The following CEP128 variants were observed in gnomAD, a reference collection of about 807,000 sequenced individuals.
CEP128 encodes the protein centrosomal protein 128kDa.
In CEP128, 132 loss-of-function variants were observed where a neutral mutation model predicts 156.7. That is an observed-to-expected ratio of 0.84 (90% CI 0.73 to 0.97). The LOEUF (loss-of-function observed/expected upper bound fraction) is 0.97, where lower values mean the gene tolerates loss of function less well. Among genes scored for constraint, CEP128 ranks in the 50% least tolerant of loss-of-function variants. The probability of loss-of-function intolerance (pLI) is 0.00; values close to 1 mark genes in which losing one functional copy is unlikely to be tolerated. For missense variants in CEP128, 1,252 were observed against 1,281.9 expected (o/e 0.98, Z 0.36); for synonymous variants, 469 against 448.9 (o/e 1.04, Z -0.57).
rs752642237 is a variant in CEP128 at position 80,838,270 on chromosome 14, C to G, written c.858G>C (p.Gln286His). The G allele has an allele frequency of 6.2e-7, 1 of 1,612,366 alleles. No individual in the cohort carries two copies. Among genetic ancestry groups the G allele is most frequent in the Non-Finnish European group, 8.5e-7 (1 of 1,178,896 alleles). ...ATAACCTTCGAGATAGCTCCAATTC[C>G]TGTTCAAGCTAGAGTTTCAACAAAG... ...QTETEKNQLE[Q>H]ELELSRRLLN... The change falls in exon 11 of 25, where the codon CAG (glutamine) becomes CAC (histidine). Residue 286 changes from glutamine (Q) to histidine (H), a missense_variant. Transcript: ENST00000555265.
chr14:80,733,453 A>G (rs1169830151), intron 19 of CEP128, among the ~76,000 whole-genome samples: 2 of 152,034 alleles, frequency 1.3e-5, no homozygotes, highest in Non-Finnish European at 2.9e-5. Context: ...CCAGACTAAT[A>G]CAGGTGGTCT....
intron 15 of CEP128, among the ~76,000 whole-genome samples, chr14:80,780,022 T>A (rs1274714640): frequency 6.6e-6 from 1 of 152,136 alleles, no homozygotes; most frequent in Non-Finnish European, 1.5e-5. Flanking sequence ...GAAATTGCAA[T>A]GAGGTAATAG....
At chr14:80,560,672 T>A (rs1034451420) in intron 20 of CEP128, among the ~76,000 whole-genome samples, 2 of 152,084 alleles carry the variant, frequency 1.3e-5, no homozygotes, top group Non-Finnish European at 2.9e-5. Flanking sequence ...TCTAATCAGC[T>A]GCCAGTGAAT....
chr14:80,676,543 T>C (rs918296086), intron 19 of CEP128, among the ~76,000 whole-genome samples: 5 of 152,184 alleles, frequency 3.3e-5, no homozygotes, highest in Admixed American at 1.3e-4. Flanking sequence ...TCTTAGTTTA[T>C]TGCACTAGCT....
chr14:80,694,539 G>A (rs887111301), intron 19 of CEP128, among the ~76,000 whole-genome samples: 6 of 152,112 alleles, frequency 3.9e-5, no homozygotes, highest in Non-Finnish European at 8.8e-5. Context: ...ATAAAATGTG[G>A]CACATATACA....
At chr14:80,944,628 C>T (rs1886283673), upstream of CEP128, among the ~76,000 whole-genome samples, 1 of 151,880 alleles carries the variant, frequency 6.6e-6, no homozygotes, top group Non-Finnish European at 1.5e-5. Flanking sequence ...CGAGACCATC[C>T]TGGCTAACAT....
At chr14:80,702,777 T>C (rs1389186262) in intron 19 of CEP128, among the ~76,000 whole-genome samples, 1 of 152,178 alleles carries the variant, frequency 6.6e-6, no homozygotes, top group Non-Finnish European at 1.5e-5. Flanking sequence ...AATGGTTGCT[T>C]GGATACCTTG....
intron 24 of CEP128, among the ~76,000 whole-genome samples, chr14:80,501,653 C>G (rs1341856879): frequency 6.6e-6 from 1 of 151,788 alleles, no homozygotes; most frequent in African/African-American, 2.4e-5. Context: ...TACAGGCACC[C>G]GCCACCACGC....
chr14:80,861,844 A>G (rs183176272), intron 9 of CEP128, among the ~76,000 whole-genome samples: 1 of 152,360 alleles, frequency 6.6e-6, no homozygotes. Flanking sequence ...CAAATTATAT[A>G]GATGAAAAAT....
At chr14:80,935,709 T>C (rs1885765874) in intron 2 of CEP128, among the ~76,000 whole-genome samples, 1 of 106,128 alleles carries the variant, frequency 9.4e-6, no homozygotes, top group Non-Finnish European at 1.9e-5. Flanking sequence ...CAGAAATTAA[T>C]CGTTTTTAAA....
chr14:80,594,237 A>G (rs780136981), intron 19 of CEP128, among the ~76,000 whole-genome samples: 51 of 152,248 alleles, frequency 3.3e-4, no homozygotes, highest in Non-Finnish European at 5.9e-4. Context: ...TTCCCTATTT[A>G]ATAAATGGTG....
At position 80,743,582 on chromosome 14, in the gene CEP128, T is replaced by A. The variant is rs374134971; in HGVS notation, c.2614-315A>T. On this transcript the variant is annotated intron_variant, in intron 18 of 24. Transcript: ENST00000555265. ...TGATTTGATATACAGGGCAGTCTAG[T>A]ATAGGAATTTAAAAAACAAATACAT... Among the ~76,000 whole-genome samples the A allele has an allele frequency of 3.3e-5, 5 of 152,274 alleles. No homozygotes were observed. The East Asian group carries it at 5.8e-4, about 18-fold the overall frequency.
chr14:80,709,768 G>C (rs975318365), intron 19 of CEP128, among the ~76,000 whole-genome samples: 9 of 152,006 alleles, frequency 5.9e-5, no homozygotes, highest in Non-Finnish European at 1.2e-4. Flanking sequence ...TTCTTGTTAA[G>C]GCTAATTACA....
chr14:80,627,055 C>T (rs1049887753), intron 19 of CEP128, among the ~76,000 whole-genome samples: 2 of 152,158 alleles, frequency 1.3e-5, no homozygotes, highest in Admixed American at 6.5e-5. Flanking sequence ...TTATTAGACC[C>T]ACAGCATATT....
At chr14:80,634,131 G>A (rs1595124373) in intron 19 of CEP128, among the ~76,000 whole-genome samples, 1 of 152,190 alleles carries the variant, frequency 6.6e-6, no homozygotes, top group East Asian at 1.9e-4. Context: ...TACAGAAAAT[G>A]AGAATTACTA....
chr14:80,623,320 G>C (rs1177026173), intron 19 of CEP128, among the ~76,000 whole-genome samples: 1 of 136,704 alleles, frequency 7.3e-6, no homozygotes, highest in African/African-American at 2.7e-5. Context: ...GGGGTGGGGG[G>C]AAGGGGGAGG....
chr14:80,832,695 G>A (rs1389163627), intron 12 of CEP128, among the ~76,000 whole-genome samples: 1 of 152,124 alleles, frequency 6.6e-6, no homozygotes, highest in Admixed American at 6.5e-5. Flanking sequence ...GAAGGAGTTG[G>A]GGTGTTTTTA....
intron 19 of CEP128, among the ~76,000 whole-genome samples, chr14:80,596,847 G>GT (rs1269342834): frequency 8.9e-6 from 1 of 111,982 alleles, no homozygotes; most frequent in Non-Finnish European, 1.7e-5. Context: ...AAAAAAGGTG[G>GT]GGGGGGGAGG....
chr14:80,508,581 A>G (rs1391278117), intron 23 of CEP128, among the ~76,000 whole-genome samples: 1 of 152,140 alleles, frequency 6.6e-6, no homozygotes, highest in East Asian at 1.9e-4. Context: ...ATAAATAATC[A>G]TTTGATAAAC....
Sources: allele counts gnomAD v4.1 joint callset (sites outside exome capture counted in the v4.1 genomes callset), GRCh38; gene constraint gnomAD v4.1.1; transcripts MANE v1.5; gene names NCBI Gene and HGNC (gene_info 2026-07-23, HGNC 2026-07-21).